Variants in FBN2 observed in about 807,000 individuals in gnomAD.
FBN2 encodes the protein fibrillin-2.
Under a neutral mutation model 355.6 loss-of-function variants are expected in FBN2, and 105 were observed. That is an observed-to-expected ratio of 0.30 (90% CI 0.25 to 0.35). The LOEUF (loss-of-function observed/expected upper bound fraction) is 0.35. Among genes scored for constraint, FBN2 ranks in the 10% least tolerant of loss-of-function variants. The pLI, the probability that FBN2 is intolerant of heterozygous loss-of-function variation, is 1.00. For synonymous variants in FBN2, 1,350 were observed against 1,301.2 expected (o/e 1.04, Z -0.81); for missense variants, 3,280 against 3,758.7 (o/e 0.87, Z 3.33).
At chr5:128,522,815 T>C (rs1357334873) in intron 4 of FBN2, among the ~76,000 whole-genome samples, 1 of 151,968 alleles carries the variant, frequency 6.6e-6, no homozygotes, top group Non-Finnish European at 1.5e-5. Context: ...AATTGGAAAA[T>C]GCCTAAATTT....
chr5:128,456,384 G>A (rs1196358414), intron 6 of FBN2, among the ~76,000 whole-genome samples: 1 of 152,150 alleles, frequency 6.6e-6, no homozygotes, highest in Non-Finnish European at 1.5e-5. Flanking sequence ...TGAGGAATCT[G>A]GGCAGCCCGG....
At chr5:128,523,061 T>C (rs556333722) in intron 4 of FBN2, among the ~76,000 whole-genome samples, 1 of 152,200 alleles carries the variant, frequency 6.6e-6, no homozygotes, top group Non-Finnish European at 1.5e-5. Flanking sequence ...AGATATTTAC[T>C]GAGCACTTAC....
chr5:128,455,151 AG>A (rs1334051370), intron 6 of FBN2, among the ~76,000 whole-genome samples: 1 of 152,220 alleles, frequency 6.6e-6, no homozygotes, highest in Admixed American at 6.5e-5. Context: ...AGACAAAAAA[AG>A]AAGAAACTTT....
intron 48 of FBN2, among the ~76,000 whole-genome samples, chr5:128,299,435 A>ACTTG (rs376537767): frequency 2.4e-5 from 3 of 126,024 alleles, no homozygotes; most frequent in African/African-American, 3.3e-5. Context: ...CCCCAGCCTC[A>ACTTG]CAGTTTGATC....
chr5:128,274,526 C>G lies in FBN2; in HGVS notation c.7711+41G>C, dbSNP rs1485137217. The G allele has an allele frequency of 3.7e-5, 39 of 1,064,538 alleles. No homozygotes were observed. In the Admixed American group the frequency reaches 6.4e-4, roughly 18 times the overall value. The allele number at this position is 1,064,538 out of a possible 1,614,324, so 65.9% of individuals were successfully genotyped here. A position where few individuals can be genotyped will look rare whatever the true frequency, so the allele number is the denominator to read the frequency against. On this transcript the variant is annotated intron_variant, in intron 60 of 64. Coordinates refer to ENST00000262464, the MANE Select transcript of FBN2 (RefSeq NM_001999.4). The stretch of plus-strand genomic sequence containing the variant: ...TTTAAATATAATTTTTATGCATCTA[C>G]TAGAAGTTTGTAAAATTTCCCATTT...
Position 128,259,598 on chromosome 5 carries a change from C to T in FBN2, c.8596G>A (p.Gly2866Ser), listed in dbSNP as rs752201545. 5.9e-5 allele frequency: 96 copies of T among 1,613,880 alleles called. No homozygotes were observed. Among genetic ancestry groups the T allele is most frequent in the South Asian group, 3.5e-4 (32 of 91,066 alleles). Residue 2866 changes from glycine (G) to serine (S), a missense_variant, in exon 65 of 65, where the codon GGC becomes AGC. Physicochemically the swap from Gly to Ser is moderately conservative, Grantham distance 56 (BLOSUM62 0). Transcript: ENST00000262464. ...LHTAKKKLMP[G>S]TYTLEITSIP... ...CTAGTGATTTCCAGTGTGTATGTGC[C>T]GGGCATGAGCTTCTTCTTGGCCGTG...
At chr5:128,321,757 G>A (rs1433004314) in intron 34 of FBN2, among the ~76,000 whole-genome samples, 1 of 152,134 alleles carries the variant, frequency 6.6e-6, no homozygotes, top group Non-Finnish European at 1.5e-5. Context: ...AAACATATGT[G>A]TGCATGTGTC....
chr5:128,476,967 G>A (rs983041910), intron 5 of FBN2, among the ~76,000 whole-genome samples: 3 of 152,200 alleles, frequency 2.0e-5, no homozygotes, highest in Non-Finnish European at 4.4e-5. Context: ...AGAACACCCT[G>A]TGGTCTCTTT....
At chr5:128,412,073 A>G (rs1017145489) in intron 7 of FBN2, among the ~76,000 whole-genome samples, 1 of 152,110 alleles carries the variant, frequency 6.6e-6, no homozygotes, top group Non-Finnish European at 1.5e-5. Flanking sequence ...TGCACACTGA[A>G]TATACTGCCA....
intron 5 of FBN2, among the ~76,000 whole-genome samples, chr5:128,495,070 A>G (rs1241871509): frequency 6.6e-6 from 1 of 152,172 alleles, no homozygotes; most frequent in Non-Finnish European, 1.5e-5. Context: ...ATGTCTCGTC[A>G]AAGTGAGAAT....
chr5:128,408,798 G>A lies in FBN2; in HGVS notation c.954C>T (p.Asp318=), dbSNP rs1468120994. ...CAGGAATGATGCTGCACTCATCAAT[G>A]TCTAATCAAGGGAAGAAGGAGAAGA... is the stretch of plus-strand genomic sequence containing the variant. ...KQSETTQKCE[D]IDECSIIPGI... The change falls in exon 8 of 65, where the codon GAC becomes GAT. Residue 318 remains aspartate, a splice_region_variant and synonymous_variant. Coordinates refer to ENST00000262464, the MANE Select transcript of FBN2 (RefSeq NM_001999.4). 2 of 1,613,850 alleles carry A rather than the reference G, an allele frequency of 1.2e-6. No homozygotes were observed.
chr5:128,461,256 T>A (rs1210568229), intron 6 of FBN2, among the ~76,000 whole-genome samples: 1 of 152,134 alleles, frequency 6.6e-6, no homozygotes, highest in Non-Finnish European at 1.5e-5. Flanking sequence ...TAAAAAAAGC[T>A]CATCATCACT....
chr5:128,335,932 T>A, intron 28 of FBN2, 56 bp downstream of exon 28: 1 of 1,599,848 alleles, frequency 6.3e-7, no homozygotes, highest in Non-Finnish European at 8.5e-7. Flanking sequence ...GCGCCAAAAG[T>A]TTTCCTAGGC....
Position 128,273,936 on chromosome 5 carries a change from AAAGC to A in FBN2, c.7740_7743del (p.Leu2581ValfsTer29). The A allele has an allele frequency of 6.2e-7, 1 of 1,613,918 alleles. No homozygotes were observed. The highest frequency in any genetic ancestry group is 8.5e-7 in the Non-Finnish European group (1 of 1,179,860). On this transcript the variant is annotated frameshift_variant, in exon 61 of 65. Coordinates refer to ENST00000262464, the MANE Select transcript of FBN2 (RefSeq NM_001999.4). LOFTEE classifies it high-confidence loss of function. ...TTTTGACAGATTCCCTTTGCTCCAC[AAAGC>A]GAAGGTTGAGACCCACATTCGTTGT...
At chr5:128,314,803 A>C (rs1229607966) in intron 36 of FBN2, among the ~76,000 whole-genome samples, 1 of 152,202 alleles carries the variant, frequency 6.6e-6, no homozygotes, top group Non-Finnish European at 1.5e-5. Flanking sequence ...TGTTCATTTT[A>C]AATGTACACA....
intron 11 of FBN2, among the ~76,000 whole-genome samples, chr5:128,384,813 A>G (rs991571931): frequency 1.8e-4 from 28 of 152,074 alleles, no homozygotes; most frequent in African/African-American, 6.3e-4. Flanking sequence ...ATGGGCCCAA[A>G]GCTGGGAGTA....
intron 5 of FBN2, among the ~76,000 whole-genome samples, chr5:128,480,719 C>A (rs1755160394): frequency 6.6e-6 from 1 of 152,110 alleles, no homozygotes; most frequent in Non-Finnish European, 1.5e-5. Context: ...AGCGAGACTC[C>A]TTCTCAAATA....
intron 50 of FBN2, among the ~76,000 whole-genome samples, 190 bp from the exon 51 acceptor site, chr5:128,290,137 C>T (rs1160058048): frequency 6.6e-6 from 1 of 152,138 alleles, no homozygotes; most frequent in African/African-American, 2.4e-5. Context: ...TCTAGGGTGC[C>T]ACCTGCTCAG....
At chr5:128,536,562 C>G (rs1392376598) in intron 1 of FBN2, 78 bp from the exon 2 acceptor site, 2 of 965,730 alleles carry the variant, frequency 2.1e-6, no homozygotes, top group African/African-American at 3.2e-5. Flanking sequence ...GTAAGCAATG[C>G]CCCGAGCGAG....
Sources: gnomAD v4.1 joint callset for allele counts (sites outside exome capture counted in the v4.1 genomes callset) on GRCh38, gnomAD v4.1.1 for gene constraint, MANE v1.5 for transcripts, NCBI Gene and HGNC (gene_info 2026-07-23, HGNC 2026-07-21) for gene names.